MALRD1: variants seen among roughly 807,000 people sequenced by gnomAD.
The protein encoded by MALRD1 is MAM and LDL-receptor class A domain-containing protein 1.
MALRD1 carries 247 observed loss-of-function variants against 242.1 expected under a neutral mutation model. That is an observed-to-expected ratio of 1.02 (90% confidence interval 0.92 to 1.13). The LOEUF (loss-of-function observed/expected upper bound fraction) is 1.13. Ranked by LOEUF, MALRD1 falls within the 50% of genes most tolerant of loss-of-function variation. The probability of loss-of-function intolerance (pLI) is 0.00; values close to 1 mark genes in which losing one functional copy is unlikely to be tolerated. For synonymous variants in MALRD1, 995 were observed against 866.6 expected (o/e 1.15, Z -2.60); for missense variants, 2,989 against 2,533.1 (o/e 1.18, Z -3.86).
At chr10:19,678,866 G>C (rs1326649779) in intron 36 of MALRD1, among the ~76,000 whole-genome samples, 1 of 151,942 alleles carries the variant, frequency 6.6e-6, no homozygotes, top group Non-Finnish European at 1.5e-5. Flanking sequence ...GAAGGGATGT[G>C]GTATTTTATT....
rs185625047 is a variant in MALRD1, at chr10:19,128,735, C to A, written c.1110+348C>A. Reference sequence around the variant, plus strand: ...TGTTTTGGACATTACATCTGTATATCATTAGAACTATAAATATAATGGTTA... The same window carrying A: ...TGTTTTGGACATTACATCTGTATATAATTAGAACTATAAATATAATGGTTA... On this transcript the variant is annotated intron_variant, in intron 8 of 39. Coordinates refer to ENST00000454679, the MANE Select transcript of MALRD1 (RefSeq NM_001142308.3). Among the ~76,000 whole-genome samples the A allele has an allele frequency of 1.6e-4, 24 of 152,196 alleles. 1 individual carries two copies. In the East Asian group the frequency reaches 4.2e-3, roughly 27 times the overall value.
chr10:19,627,017 G>C (rs946279622), intron 36 of MALRD1, among the ~76,000 whole-genome samples: 5 of 152,026 alleles, frequency 3.3e-5, no homozygotes, highest in Admixed American at 2.0e-4. Context: ...ATAGACACTT[G>C]GAAAAGAATA....
At chr10:19,495,645 A>G (rs1329267162) in intron 30 of MALRD1, among the ~76,000 whole-genome samples, 1 of 152,160 alleles carries the variant, frequency 6.6e-6, no homozygotes, top group East Asian at 1.9e-4. Context: ...CAGACCAGTG[A>G]CACTGTAAGC....
chr10:19,478,110 G>C (rs1836826808), intron 29 of MALRD1, among the ~76,000 whole-genome samples: 1 of 152,180 alleles, frequency 6.6e-6, no homozygotes, highest in African/African-American at 2.4e-5. Flanking sequence ...AGGACTCTCT[G>C]GCCCTAACAT....
At chr10:19,291,672 G>A (rs1460386479) in intron 21 of MALRD1, among the ~76,000 whole-genome samples, 2 of 152,006 alleles carry the variant, frequency 1.3e-5, no homozygotes, top group African/African-American at 2.4e-5. Flanking sequence ...AAAGAGGGTC[G>A]CTTTCTCACC....
chr10:19,460,083 G>A (rs551460657), intron 29 of MALRD1, among the ~76,000 whole-genome samples: 26 of 152,048 alleles, frequency 1.7e-4, no homozygotes, highest in Middle Eastern at 3.4e-3. Context: ...ATGATATGGT[G>A]TTTCCATTTT....
intron 36 of MALRD1, among the ~76,000 whole-genome samples, chr10:19,667,406 CAT>C (rs1841722545): frequency 6.6e-6 from 1 of 152,154 alleles, no homozygotes; most frequent in Admixed American, 6.5e-5. Context: ...CAAAATACCA[CAT>C]GATATACTTT....
At chr10:19,588,474 A>C (rs1197228386) in intron 33 of MALRD1, among the ~76,000 whole-genome samples, 1 of 152,176 alleles carries the variant, frequency 6.6e-6, no homozygotes, top group African/African-American at 2.4e-5. Context: ...CACAATTTTG[A>C]GGAAAACCTG....
intron 31 of MALRD1, among the ~76,000 whole-genome samples, chr10:19,521,623 T>G (rs1378924850): frequency 1.3e-5 from 2 of 152,122 alleles, no homozygotes; most frequent in African/African-American, 4.8e-5. Context: ...AAGATAATAT[T>G]TTAGAAGATT....
chr10:19,239,962 G>T (rs1220089398), intron 18 of MALRD1, among the ~76,000 whole-genome samples: 2 of 152,042 alleles, frequency 1.3e-5, no homozygotes, highest in African/African-American at 4.8e-5. Flanking sequence ...TTTTGCACAG[G>T]ATTGCTTTGG....
chr10:19,441,347 A>C (rs1419871736), intron 28 of MALRD1, among the ~76,000 whole-genome samples: 2 of 152,182 alleles, frequency 1.3e-5, no homozygotes, highest in Non-Finnish European at 2.9e-5. Flanking sequence ...TCATTTAATT[A>C]GATCCCATTT....
intron 20 of MALRD1, among the ~76,000 whole-genome samples, chr10:19,282,773 C>T (rs1485402830): frequency 1.3e-5 from 2 of 152,148 alleles, no homozygotes; most frequent in Non-Finnish European, 2.9e-5. Flanking sequence ...CTCACCTCCT[C>T]ATGAAACCAG....
intron 33 of MALRD1, among the ~76,000 whole-genome samples, chr10:19,571,704 A>G (rs1234200384): frequency 6.6e-6 from 1 of 151,636 alleles, no homozygotes; most frequent in Non-Finnish European, 1.5e-5. Context: ...GATTTTTTTC[A>G]GTATTCATTT....
intron 18 of MALRD1, among the ~76,000 whole-genome samples, chr10:19,251,154 A>G (rs962706256): frequency 6.6e-6 from 1 of 151,978 alleles, no homozygotes. Flanking sequence ...GTGTGCAGAT[A>G]CATTAGAAAA....
chr10:19,676,422 G>A (rs955289384), intron 36 of MALRD1, among the ~76,000 whole-genome samples: 2 of 152,150 alleles, frequency 1.3e-5, no homozygotes, highest in Non-Finnish European at 2.9e-5. Flanking sequence ...CTAAGATAAA[G>A]CGATGGAGTG....
chr10:19,257,649 A>T (rs1203928801), intron 18 of MALRD1, 35 bp from the exon 19 acceptor site: 1 of 1,414,312 alleles, frequency 7.1e-7, no homozygotes. Flanking sequence ...ACATAAACAC[A>T]TTTCTTATTT....
At chr10:19,634,161 A>G (rs1840028456) in intron 36 of MALRD1, among the ~76,000 whole-genome samples, 1 of 151,970 alleles carries the variant, frequency 6.6e-6, no homozygotes, top group African/African-American at 2.4e-5. Flanking sequence ...TTCTTAAAAT[A>G]CCTGCCAGGC....
At chr10:19,165,281 T>TTTTTG (rs760593217) in intron 12 of MALRD1, among the ~76,000 whole-genome samples, 7,172 of 95,160 alleles carry the variant, frequency 0.075, 275 homozygotes, top group Non-Finnish European at 0.094. Context: ...TTTTGTTTTG[T>TTTTTG]TTTTGTTTTG....
intron 9 of MALRD1, among the ~76,000 whole-genome samples, chr10:19,135,890 T>G (rs1833317240): frequency 6.6e-6 from 1 of 152,186 alleles, no homozygotes; most frequent in South Asian, 2.1e-4. Context: ...CAGCAATGTG[T>G]GGTTATTTCA....
Sources: gnomAD v4.1 joint callset for allele counts (sites outside exome capture counted in the v4.1 genomes callset) on GRCh38, gnomAD v4.1.1 for gene constraint, MANE v1.5 for transcripts, NCBI Gene and HGNC (gene_info 2026-07-23, HGNC 2026-07-21) for gene names.